The following ENO3 variants were observed in gnomAD, a reference collection of about 807,000 sequenced individuals.
ENO3 encodes beta-enolase.
ENO3 carries 46 observed loss-of-function variants against 47.7 expected under a neutral mutation model. The ratio of observed to expected loss-of-function variants is 0.96; its 90% CI spans 0.76 to 1.23. ENO3 has a LOEUF of 1.23. ENO3 is among the 50% of genes most tolerant of loss of function. The pLI is 0.00. For synonymous variants in ENO3, 223 were observed against 225.9 expected (o/e 0.99, Z 0.11); for missense variants, 575 against 566.2 (o/e 1.02, Z -0.16).
In ENO3 at chr17:4,953,795, C is replaced by T. The variant is rs151067614; in HGVS notation, c.394C>T (p.Arg132Cys). Residue 132 changes from arginine (R) to cysteine (C), a missense_variant, in exon 6 of 12, where the codon CGC becomes TGC. By Grantham distance (180) the Arg-to-Cys change is radical. Coordinates refer to ENST00000519602, the MANE Select transcript of ENO3 (RefSeq NM_053013.4). ...AGCTGAGAAGGGGGTCCCCCTGTAC[C>T]GCCACATCGCAGATCTCGCTGGGAA... ...GAAEKGVPLY[R>C]HIADLAGNPD... The T allele has an allele frequency of 1.7e-5, 27 of 1,614,062 alleles. No individual in the cohort carries two copies. The highest frequency in any genetic ancestry group is 6.7e-5 in the African/African-American group (5 of 74,912).
chr17:4,956,982 G>A lies in ENO3; in HGVS notation c.1240G>A (p.Glu414Lys), dbSNP rs773760593. 25 of 1,614,082 alleles carry A rather than the reference G, an allele frequency of 1.5e-5. No homozygotes were observed. Among genetic ancestry groups the A allele is most frequent in the East Asian group, 1.1e-4 (5 of 44,896 alleles). Residue 414 changes from glutamate to lysine, a missense_variant, in exon 12 of 12, where the codon GAG (glutamate) becomes AAG (lysine). Physicochemically the swap from Glu to Lys is moderately conservative, Grantham distance 56. Transcript: ENST00000519602. Reference sequence around the variant, plus strand: ...CTAACCTTGCCTGCATTCTAGGATCGAGGAGGCTCTTGGGGACAAGGCAAT... The same window carrying A: ...CTAACCTTGCCTGCATTCTAGGATCAAGGAGGCTCTTGGGGACAAGGCAAT... ...LAKYNQLMRI[E>K]EALGDKAIFA...
At chr17:4,955,010 C>A in intron 6 of ENO3, 65 bp from the exon 7 acceptor site, 3 of 1,503,470 alleles carry the variant, frequency 2.0e-6, no homozygotes, top group East Asian at 2.3e-5. Flanking sequence ...CAACACCCCC[C>A]GCCCCTGTCC....
At chr17:4,956,233 G>A in intron 9 of ENO3, 90 bp downstream of exon 9, 1 of 1,479,080 alleles carries the variant, frequency 6.8e-7, no homozygotes, top group Non-Finnish European at 9.3e-7. Flanking sequence ...CCAACTCCAA[G>A]CTTACCTTTC....
At chr17:4,950,630 G>A (rs2151138096), upstream of ENO3, 1 of 985,550 alleles carries the variant, frequency 1.0e-6, no homozygotes, top group Non-Finnish European at 1.2e-6. Flanking sequence ...GACCCTAAGA[G>A]GTGAGACCCT....
At chr17:4,950,020 G>A (rs542245263), upstream of ENO3, among the ~76,000 whole-genome samples, 2 of 151,918 alleles carry the variant, frequency 1.3e-5, no homozygotes, top group African/African-American at 4.8e-5. Flanking sequence ...CTGGACGGGT[G>A]GCGGGGCAGG....
At position 4,952,855 on chromosome 17, in the gene ENO3, TAA is replaced by T. The variant is rs774951960; in HGVS notation, c.147_148del (p.Asp51ArgfsTer40). The T allele has an allele frequency of 6.2e-7, 1 of 1,612,602 alleles. No homozygotes were observed. Among genetic ancestry groups the T allele is most frequent in the East Asian group, 2.2e-5 (1 of 44,882 alleles). ...ACGGGTATCTATGAGGCTCTGGAACTAAGAGACGGAGACAAAGGCCGCTACCT... is the reference window on the plus strand; with the variant it reads ...ACGGGTATCTATGAGGCTCTGGAACTGAGACGGAGACAAAGGCCGCTACCT... On this transcript the variant is annotated frameshift_variant, in exon 3 of 12. Coordinates refer to ENST00000519602, the MANE Select transcript of ENO3 (RefSeq NM_053013.4). LOFTEE classifies it high-confidence loss of function.
chr17:4,953,236 G>A, intron 4 of ENO3, 36 bp from the exon 5 acceptor site: 7 of 1,613,848 alleles, frequency 4.3e-6, no homozygotes, highest in East Asian at 2.2e-5. Flanking sequence ...TGAGAAATCT[G>A]ACCTCTGCTC....
At chr17:4,951,480 A>G (rs948689419) in intron 1 of ENO3, among the ~76,000 whole-genome samples, 1 of 152,138 alleles carries the variant, frequency 6.6e-6, no homozygotes, top group African/African-American at 2.4e-5. Context: ...AATGAGAACC[A>G]GAAAGGATTT....
At chr17:4,955,740 T>C (rs1971704170) in intron 8 of ENO3, 136 bp downstream of exon 8, 1 of 1,400,544 alleles carries the variant, frequency 7.1e-7, no homozygotes, top group African/African-American at 1.4e-5. Context: ...ATTTAAGCTC[T>C]TCTGCCCTGT....
intron 8 of ENO3, 56 bp downstream of exon 8, chr17:4,955,660 A>G (rs978191150): frequency 2.5e-6 from 4 of 1,607,772 alleles, no homozygotes; most frequent in South Asian, 1.1e-5. Flanking sequence ...GCTGCCTAAT[A>G]TACTGATTTC....
In ENO3 at chr17:4,954,693, T is replaced by TC. The variant is rs1431208832; in HGVS notation, c.445-381dup. The stretch of plus-strand genomic sequence containing the variant: ...ACTTCGGGAGGCCGAGGCGGGCAGA[T>TC]CACAAGGTCAGGAGTTCGAGACCAG... On this transcript the variant is annotated intron_variant, in intron 6 of 11. Transcript: ENST00000519602. 5.3e-5 allele frequency among the ~76,000 whole-genome samples: 8 copies of TC among 152,136 alleles called. No homozygotes were observed. In the South Asian group the frequency reaches 1.5e-3, roughly 28 times the overall value.
intron 6 of ENO3, chr17:4,954,160 A>C (rs769423312): frequency 2.2e-6 from 1 of 456,590 alleles, no homozygotes; most frequent in Non-Finnish European, 4.0e-6. Flanking sequence ...TTTGAGGCAA[A>C]GATCTTGGCA....
At position 4,951,804 on chromosome 17, in the gene ENO3, T is replaced by A. The variant is rs773869154; in HGVS notation, c.-2-24T>A. 58 of 1,611,904 alleles carry A rather than the reference T, an allele frequency of 3.6e-5. No homozygotes were observed. In the East Asian group the frequency reaches 1.2e-3, roughly 33 times the overall value. ...TCCTTAAGAGATCAACTGTCTACAC[T>A]CACTCACACCTCCTGTCCTGCAGCC... On this transcript the variant is annotated intron_variant, in intron 1 of 11. Transcript: ENST00000519602.
At chr17:4,954,149 CT>C in intron 6 of ENO3, 1 of 477,706 alleles carries the variant, frequency 2.1e-6, no homozygotes, top group South Asian at 2.4e-5. Context: ...TTGAGAGTTT[CT>C]TTGAGGCAAA....
At chr17:4,953,653 G>T in intron 5 of ENO3, 59 bp from the exon 6 acceptor site, 1 of 1,614,100 alleles carries the variant, frequency 6.2e-7, no homozygotes, top group Non-Finnish European at 8.5e-7. Context: ...TCTTCCTGGA[G>T]TAGCCACCCC....
At chr17:4,955,831 GTC>G (rs1971710069) in intron 8 of ENO3, 109 bp from the exon 9 acceptor site, 1 of 869,466 alleles carries the variant, frequency 1.2e-6, no homozygotes, top group Non-Finnish European at 1.7e-6. Flanking sequence ...TCTCTGCTCT[GTC>G]TCTGCCCTGT....
At chr17:4,955,005 C>G in intron 6 of ENO3, 70 bp from the exon 7 acceptor site, 2 of 1,429,946 alleles carry the variant, frequency 1.4e-6, no homozygotes, top group Non-Finnish European at 1.9e-6. Context: ...CACCCCAACA[C>G]CCCCCGCCCC....
At chr17:4,952,721 C>CA (rs1299146443) in intron 2 of ENO3, 74 bp from the exon 3 acceptor site, 1 of 1,470,822 alleles carries the variant, frequency 6.8e-7, no homozygotes, top group Non-Finnish European at 9.3e-7. Flanking sequence ...CTAGGCCTCT[C>CA]AAAGTGCTGG....
At chr17:4,956,487 A>G in intron 9 of ENO3, 86 bp from the exon 10 acceptor site, 1 of 1,366,282 alleles carries the variant, frequency 7.3e-7, no homozygotes, top group South Asian at 1.2e-5. Flanking sequence ...CTTGCTACCC[A>G]AAACAGAAGG....
Sources: allele counts gnomAD v4.1 joint callset (sites outside exome capture counted in the v4.1 genomes callset), GRCh38; gene constraint gnomAD v4.1.1; transcripts MANE v1.5; gene names NCBI Gene and HGNC (gene_info 2026-07-23, HGNC 2026-07-21).